MTUS2: variants seen among roughly 807,000 people sequenced by gnomAD.
The protein encoded by MTUS2 is microtubule-associated tumor suppressor candidate 2.
A neutral mutation model predicts 114.1 loss-of-function variants in MTUS2; 40 were observed. That is an observed-to-expected ratio of 0.35 (90% CI 0.27 to 0.46). MTUS2 has a LOEUF of 0.46. Among genes scored for constraint, MTUS2 ranks in the 20% least tolerant of loss-of-function variants. The pLI, the probability that MTUS2 is intolerant of heterozygous loss-of-function variation, is 1.00. For missense variants in MTUS2, 1,679 were observed against 1,705.4 expected (o/e 0.98, Z 0.27); for synonymous variants, 688 against 672.0 (o/e 1.02, Z -0.37).
At chr13:28,836,461 T>G (rs933225749) in intron 1 of MTUS2, among the ~76,000 whole-genome samples, 2 of 152,258 alleles carry the variant, frequency 1.3e-5, no homozygotes, top group Non-Finnish European at 2.9e-5. Context: ...AAATATTTAC[T>G]GACATCTGTT....
Position 29,026,602 on chromosome 13 carries a change from C to G in MTUS2, c.1904C>G (p.Pro635Arg). 6 of 1,613,898 alleles carry G rather than the reference C, an allele frequency of 3.7e-6. No homozygotes were observed. The highest frequency in any genetic ancestry group is 5.1e-6 in the Non-Finnish European group (6 of 1,179,862). Reference protein sequence around the residue: ...ERTETKPIIMPKPKHVRPKII... With the variant: ...ERTETKPIIMRKPKHVRPKII... ...ACAGAAACTAAGCCCATCATTATGC[C>G]CAAGCCCAAGCATGTGAGGCCCAAG... is the stretch of plus-strand genomic sequence containing the variant. The change falls in exon 3 of 16, where the codon CCC becomes CGC. Residue 635 changes from proline to arginine, a missense_variant. Transcript: ENST00000612955.
intron 5 of MTUS2, among the ~76,000 whole-genome samples, chr13:29,105,850 A>G (rs1168334512): frequency 6.6e-6 from 1 of 152,110 alleles, no homozygotes; most frequent in Non-Finnish European, 1.5e-5. Flanking sequence ...AGGGATTGTA[A>G]GCCAGACAGC....
intron 5 of MTUS2, among the ~76,000 whole-genome samples, chr13:29,272,043 C>A (rs1039573948): frequency 6.6e-6 from 1 of 152,062 alleles, no homozygotes; most frequent in African/African-American, 2.4e-5. Flanking sequence ...TTTTCTTAGT[C>A]AAATATTTCA....
At chr13:29,242,496 T>C (rs1896766587) in intron 5 of MTUS2, 1 of 162,034 alleles carries the variant, frequency 6.2e-6, no homozygotes, top group Admixed American at 6.5e-5. Context: ...AAACCAATTG[T>C]TTGGTAATAA....
At chr13:29,469,637 A>AAAAAG (rs1555282875) in intron 9 of MTUS2, among the ~76,000 whole-genome samples, 195 of 146,694 alleles carry the variant, frequency 1.3e-3, no homozygotes, top group African/African-American at 4.8e-3. Context: ...AAAAAAAAAA[A>AAAAAG]AAAGAAAGAA....
chr13:29,284,228 T>C (rs770989629), intron 6 of MTUS2, among the ~76,000 whole-genome samples: 7 of 152,140 alleles, frequency 4.6e-5, no homozygotes, highest in Non-Finnish European at 1.0e-4. Context: ...AGCTGTTACA[T>C]GAATGGGGAA....
At chr13:29,373,002 T>C (rs1871315253) in intron 8 of MTUS2, among the ~76,000 whole-genome samples, 1 of 152,210 alleles carries the variant, frequency 6.6e-6, no homozygotes, top group African/African-American at 2.4e-5. Context: ...ATCATAAAAT[T>C]AGTGGTGAAC....
intron 5 of MTUS2, among the ~76,000 whole-genome samples, chr13:29,121,640 ACACTTT>A (rs1337019823): frequency 6.6e-6 from 1 of 150,486 alleles, no homozygotes; most frequent in African/African-American, 2.5e-5. Flanking sequence ...CTAGTCACTC[ACACTTT>A]CACTTTTTCA....
At chr13:29,130,969 C>G (rs1170937746) in intron 5 of MTUS2, among the ~76,000 whole-genome samples, 3 of 152,206 alleles carry the variant, frequency 2.0e-5, no homozygotes, top group Admixed American at 2.0e-4. Context: ...TCATCTCCCT[C>G]TGCTCCAGGA....
intron 5 of MTUS2, among the ~76,000 whole-genome samples, chr13:29,154,711 G>T (rs775822350): frequency 2.1e-4 from 32 of 152,294 alleles, no homozygotes; most frequent in Middle Eastern, 3.4e-3. Flanking sequence ...ATAATTGTTT[G>T]ACAGATTTAT....
intron 5 of MTUS2, among the ~76,000 whole-genome samples, chr13:29,103,639 T>G (rs1469260644): frequency 6.6e-6 from 1 of 152,138 alleles, no homozygotes; most frequent in African/African-American, 2.4e-5. Flanking sequence ...GGAGGCCTGG[T>G]TTACACCAGC....
rs142507499 is a variant in MTUS2, at chr13:29,387,419, A to G, written c.3117+27946A>G. On this transcript the variant is annotated intron_variant, in intron 8 of 15. Coordinates refer to ENST00000612955, the MANE Select transcript of MTUS2 (RefSeq NM_001033602.4). ...GGAGAAGAGACTATCAGGCTGGACT[A>G]GGCAGGGGCATAACAGGTGGGCAGG... Among the ~76,000 whole-genome samples the G allele has an allele frequency of 8.1e-4, 124 of 152,304 alleles. 2 individuals carry two copies. Among genetic ancestry groups the G allele is most frequent in the African/African-American group, 2.7e-3 (114 of 41,566 alleles).
At chr13:29,476,399 C>G (rs1344558760) in intron 9 of MTUS2, 2 of 152,150 alleles carry the variant, frequency 1.3e-5, no homozygotes, top group South Asian at 4.1e-4. Context: ...TTATCTTCAC[C>G]ATTGTTATCT....
chr13:29,038,081 G>A (rs1055664668), intron 4 of MTUS2, among the ~76,000 whole-genome samples: 1 of 152,120 alleles, frequency 6.6e-6, no homozygotes, highest in Non-Finnish European at 1.5e-5. Flanking sequence ...ATCCTTTGGA[G>A]GACAAGAGGC....
At chr13:29,453,846 G>A (rs1878916739) in intron 9 of MTUS2, among the ~76,000 whole-genome samples, 1 of 152,178 alleles carries the variant, frequency 6.6e-6, no homozygotes, top group Admixed American at 6.5e-5. Context: ...TCTGGGATAT[G>A]AGGCTCAAAT....
At chr13:29,012,946 C>G (rs74041703) in intron 2 of MTUS2, among the ~76,000 whole-genome samples, 5,294 of 152,180 alleles carry the variant, frequency 0.035, 138 homozygotes, top group East Asian at 0.11. Flanking sequence ...ATGAAGCAAC[C>G]AGGTGTGAGT....
At chr13:29,384,320 T>C (rs1872485758) in intron 8 of MTUS2, among the ~76,000 whole-genome samples, 1 of 152,264 alleles carries the variant, frequency 6.6e-6, no homozygotes, top group Non-Finnish European at 1.5e-5. Context: ...GTTAGAATTA[T>C]AATTATTTAT....
intron 2 of MTUS2, among the ~76,000 whole-genome samples, chr13:28,912,743 T>A (rs1195857032): frequency 2.0e-5 from 3 of 152,156 alleles, no homozygotes; most frequent in Middle Eastern, 6.8e-3. Context: ...CTTGTTAGCT[T>A]AGCTGTATTC....
intron 2 of MTUS2, among the ~76,000 whole-genome samples, chr13:29,005,505 C>T (rs1306005600): frequency 1.1e-4 from 17 of 152,132 alleles, no homozygotes. Flanking sequence ...CTAGAGAAGC[C>T]AAGTCCTGGG....
Sources: gnomAD v4.1 joint callset for allele counts (sites outside exome capture counted in the v4.1 genomes callset) on GRCh38, gnomAD v4.1.1 for gene constraint, MANE v1.5 for transcripts, NCBI Gene and HGNC (gene_info 2026-07-23, HGNC 2026-07-21) for gene names.